The following TLK1 variants were observed in gnomAD, a reference collection of about 807,000 sequenced individuals.
TLK1 encodes the protein serine/threonine-protein kinase tousled-like 1.
Under a neutral mutation model 105.3 loss-of-function variants are expected in TLK1, and 24 were observed. The ratio of observed to expected loss-of-function variants is 0.23; its 90% confidence interval spans 0.17 to 0.32. TLK1 has a LOEUF of 0.32. Ranked by LOEUF, TLK1 falls within the 10% of genes least tolerant of loss-of-function variation. The pLI, the probability that TLK1 is intolerant of heterozygous loss-of-function variation, is 1.00. For synonymous variants in TLK1, 321 were observed against 310.4 expected, an observed-to-expected ratio of 1.03 and a Z score of -0.36; for missense variants, 558 against 910.5, an observed-to-expected ratio of 0.61 and a Z score of 4.98.
chr2:171,201,307 T>C (rs1165766905), intron 1 of TLK1, among the ~76,000 whole-genome samples: 1 of 152,220 alleles, frequency 6.6e-6, no homozygotes. Context: ...TAATTACTAT[T>C]GAAATGCCAT....
At chr2:171,147,993 C>T (rs141664266) in intron 1 of TLK1, among the ~76,000 whole-genome samples, 2,399 of 151,108 alleles carry the variant, frequency 0.016, 61 homozygotes, top group African/African-American at 0.052. Flanking sequence ...CAGGTTCAAG[C>T]GATTCTCCTG....
chr2:171,059,817 C>T, intron 4 of TLK1: 1 of 730,926 alleles, frequency 1.4e-6, no homozygotes, highest in Non-Finnish European at 2.5e-6. Flanking sequence ...GGATCCCTTG[C>T]ATGTGCAGTT....
chr2:171,004,630 G>A (rs572182932), intron 18 of TLK1, among the ~76,000 whole-genome samples: 1 of 152,178 alleles, frequency 6.6e-6, no homozygotes, highest in Non-Finnish European at 1.5e-5. Context: ...CAGAGTGAGA[G>A]AGAAACAAAT....
At chr2:171,189,195 C>T (rs1337314078) in intron 1 of TLK1, among the ~76,000 whole-genome samples, 19 of 134,432 alleles carry the variant, frequency 1.4e-4, no homozygotes, top group Non-Finnish European at 2.6e-4. Flanking sequence ...GAGATGGAGT[C>T]TTGCTCTGTC....
rs777049271 is a variant in TLK1, at chr2:171,003,273, CAAAAAAAAAAAAAA to C, written c.1904+2860_1904+2873del. Among the ~76,000 whole-genome samples, 426 of 68,532 alleles carry C rather than the reference CAAAAAAAAAAAAAA, an allele frequency of 6.2e-3. 9 individuals carry two copies. The highest frequency in any genetic ancestry group is 0.032 in the African/African-American group (389 of 12,260). The allele number at this position is 68,532 out of a possible 152,430, so 45.0% of individuals were successfully genotyped here. A position where few individuals can be genotyped will look rare whatever the true frequency, so the allele number is the denominator to read the frequency against. On this transcript the variant is annotated intron_variant, in intron 18 of 20. Transcript: ENST00000431350. ...TGGGCGACAGAGCAAGACTCCGTCT[CAAAAAAAAAAAAAA>C]AAAAAAAAAAAAAAAAAAGTACAAG...
At chr2:171,015,281 T>C (rs1292527060) in intron 12 of TLK1, among the ~76,000 whole-genome samples, 13 of 143,548 alleles carry the variant, frequency 9.1e-5, no homozygotes, top group Non-Finnish European at 1.6e-5. Context: ...TTCTAGTCCA[T>C]GCAAATTTTA....
intron 1 of TLK1, among the ~76,000 whole-genome samples, chr2:171,197,381 C>G (rs1693295213): frequency 6.6e-6 from 1 of 152,082 alleles, no homozygotes; most frequent in African/African-American, 2.4e-5. Context: ...AAATACCCCC[C>G]AAAAGATAAC....
At position 171,009,429 on chromosome 2, in the gene TLK1, G is replaced by A. The variant is rs189709847; in HGVS notation, c.1416+1944C>T. On this transcript the variant is annotated intron_variant, in intron 14 of 20. Transcript: ENST00000431350. Reference sequence around the variant, plus strand: ...AAGCGATTATCATGCCTCAGCCTCCGAGTAGCTGGAACTACAGGCATGTGC... The same window carrying A: ...AAGCGATTATCATGCCTCAGCCTCCAAGTAGCTGGAACTACAGGCATGTGC... 3.3e-4 allele frequency among the ~76,000 whole-genome samples: 49 copies of A among 148,972 alleles called. 1 individual carries two copies. The East Asian group carries it at 8.0e-3, about 24-fold the overall frequency.
At position 171,160,550 on chromosome 2, in the gene TLK1, G is replaced by C; in HGVS notation, c.-122C>G. The C allele has an allele frequency of 6.5e-7, 1 of 1,533,782 alleles. No homozygotes were observed. Among genetic ancestry groups the C allele is most frequent in the Non-Finnish European group, 8.8e-7 (1 of 1,142,816 alleles). The stretch of plus-strand genomic sequence containing the variant: ...GCGAGCGAGAGAGCGAGGGCTGGGA[G>C]GGGAGAGTCAAGGGGATGGGGGAGG... On this transcript the variant is annotated 5_prime_UTR_variant, in exon 1 of 21. Transcript: ENST00000431350. The surrounding 1 kb of genome is among the most constrained non-coding windows in gnomAD (Gnocchi z 4.4).
intron 1 of TLK1, among the ~76,000 whole-genome samples, chr2:171,212,805 T>G (rs149894408): frequency 5.8e-4 from 89 of 152,288 alleles, no homozygotes; most frequent in African/African-American, 2.1e-3. Flanking sequence ...AGCAAGATAT[T>G]TGAGCTTCCT....
chr2:171,053,920 AT>A, intron 7 of TLK1, 67 bp from the exon 8 acceptor site: 1 of 1,169,244 alleles, frequency 8.6e-7, no homozygotes. Flanking sequence ...ATAAAACTAG[AT>A]TTTACTCCAA....
intron 20 of TLK1, chr2:170,994,706 G>C (rs1683969627): frequency 1.9e-6 from 1 of 517,888 alleles, no homozygotes; most frequent in Admixed American, 1.9e-5. Flanking sequence ...TCTGTCCCCA[G>C]TCGAACCTGG....
At chr2:171,116,440 C>T (rs1207073627) in intron 2 of TLK1, among the ~76,000 whole-genome samples, 1 of 152,142 alleles carries the variant, frequency 6.6e-6, no homozygotes. Flanking sequence ...GTGGCTCACG[C>T]CTGTAATCCC....
At chr2:171,015,792 C>A (rs926020613) in intron 12 of TLK1, among the ~76,000 whole-genome samples, 2 of 151,886 alleles carry the variant, frequency 1.3e-5, no homozygotes, top group African/African-American at 4.8e-5. Flanking sequence ...AAGACTAGGG[C>A]TGGGTGCAGT....
chr2:171,055,203 CAAAAAA>C (rs71399594), intron 6 of TLK1, 31 bp from the exon 7 acceptor site: 21 of 518,226 alleles, frequency 4.1e-5, no homozygotes, highest in Admixed American at 1.2e-4. Flanking sequence ...TTTATATTAG[CAAAAAA>C]AAAAAAAAAA....
At chr2:171,226,205 C>T (rs1377346586) in intron 1 of TLK1, among the ~76,000 whole-genome samples, 1 of 152,148 alleles carries the variant, frequency 6.6e-6, no homozygotes, top group Non-Finnish European at 1.5e-5. Context: ...TTGTTACAAC[C>T]ACATAATCTA....
At chr2:171,066,036 G>A (rs1057357851) in intron 3 of TLK1, among the ~76,000 whole-genome samples, 8 of 152,100 alleles carry the variant, frequency 5.3e-5, no homozygotes, top group African/African-American at 7.2e-5. Context: ...ACATATAAAC[G>A]TTACCATGAA....
intron 2 of TLK1, among the ~76,000 whole-genome samples, chr2:171,086,577 G>T (rs185332960): frequency 2.4e-3 from 360 of 150,156 alleles, no homozygotes; most frequent in Non-Finnish European, 3.7e-3. Flanking sequence ...AGTGAGCAGA[G>T]ATCGCACCAC....
At chr2:170,999,778 G>A (rs1239270285) in intron 18 of TLK1, among the ~76,000 whole-genome samples, 1 of 150,708 alleles carries the variant, frequency 6.6e-6, no homozygotes, top group East Asian at 1.9e-4. Context: ...ATTTTTTTTT[G>A]AGACCGGGTC....
Sources: allele counts gnomAD v4.1 joint callset (sites outside exome capture counted in the v4.1 genomes callset), GRCh38; gene constraint gnomAD v4.1.1; non-coding constraint Gnocchi (gnomAD v3.1); transcripts MANE v1.5; gene names NCBI Gene and HGNC (gene_info 2026-07-23, HGNC 2026-07-21).